FBH1: variants seen among roughly 807,000 people sequenced by gnomAD.
The protein encoded by FBH1 is F-box DNA helicase 1.
A neutral mutation model predicts 115.5 loss-of-function variants in FBH1; 43 were observed. The ratio of observed to expected loss-of-function variants is 0.37; its 90% CI spans 0.29 to 0.48. FBH1 has a LOEUF of 0.48. Ranked by LOEUF, FBH1 falls within the 20% of genes least tolerant of loss-of-function variation. The pLI, the probability that FBH1 is intolerant of heterozygous loss-of-function variation, is 0.99. For missense variants in FBH1, 1,001 were observed against 1,337.3 expected (o/e 0.75, Z 3.92); for synonymous variants, 524 against 507.8 (o/e 1.03, Z -0.43).
rs1564449674 is a variant in FBH1, at chr10:5,915,623, T to A, written c.1565+52T>A. On this transcript the variant is annotated intron_variant, in intron 9 of 20. Coordinates refer to ENST00000362091, the MANE Select transcript of FBH1 (RefSeq NM_178150.3). This position sits in a 1 kb window ranked among gnomAD's most constrained non-coding sequence, Gnocchi z 5.2. ...TGTTGCTGCTGGCACGGTCGCGTCT[T>A]ACTGTTTTCCCGTGACGATCACATG... The A allele has an allele frequency of 3.2e-6, 5 of 1,565,122 alleles. No individual in the cohort carries two copies. Among genetic ancestry groups the A allele is most frequent in the Admixed American group, 1.7e-5 (1 of 58,936 alleles).
At chr10:5,905,989 A>G (rs753109417) in intron 2 of FBH1, 48 bp from the exon 3 acceptor site, 1 of 1,371,976 alleles carries the variant, frequency 7.3e-7, no homozygotes, top group South Asian at 1.2e-5. Context: ...CAGCAGGTCA[A>G]CAGTCATCGT....
rs144472860 is a variant in FBH1, at chr10:5,921,501, G to A, written c.2254G>A (p.Ala752Thr). The A allele has an allele frequency of 5.0e-6, 8 of 1,600,950 alleles. No individual in the cohort carries two copies. The highest frequency in any genetic ancestry group is 5.9e-6 in the Non-Finnish European group (7 of 1,176,836). Residue 752 changes from alanine (A) to threonine (T), a missense_variant, in exon 15 of 21, where the codon GCC (alanine) becomes ACC (threonine). Ala to Thr is a moderately conservative substitution (Grantham distance 58). This residue lies in a region of FBH1 where 521 missense variants were observed against 811.0 expected (regional missense o/e 0.64). Coordinates refer to ENST00000362091, the MANE Select transcript of FBH1 (RefSeq NM_178150.3). This position sits in a 1 kb window ranked among gnomAD's most constrained non-coding sequence, Gnocchi z 6.4. ...AGTGGCCTTGTTGTCCCGGACCAAC[G>A]CCAACGTGTTTGATGAGGCCGTACG... ...GQVALLSRTN[A>T]NVFDEAVRVT... is the part of the protein sequence containing the mutation.
chr10:5,913,960 A>G lies in FBH1; in HGVS notation c.1304+121A>G. The G allele has an allele frequency of 5.8e-6, 5 of 864,516 alleles. No homozygotes were observed. Among genetic ancestry groups the G allele is most frequent in the Non-Finnish European group, 9.2e-6 (5 of 543,880 alleles). The allele number at this position is 864,516 out of a possible 1,614,324, so 53.6% of individuals were successfully genotyped here. ...TTGAGGTTAATAATGTAAATTGTGTAAAACTCACCCATCCTAAGAGTGTGA... is the reference window on the plus strand; with the variant it reads ...TTGAGGTTAATAATGTAAATTGTGTGAAACTCACCCATCCTAAGAGTGTGA... On this transcript the variant is annotated intron_variant, in intron 7 of 20. Transcript: ENST00000362091. The surrounding 1 kb of genome is among the most constrained non-coding windows in gnomAD (Gnocchi z 4.4).
rs180985260 is a variant in FBH1, at chr10:5,932,524, G to T, written c.2830-3932G>T. Among the ~76,000 whole-genome samples, 1 of 152,296 alleles carries T rather than the reference G, an allele frequency of 6.6e-6. No individual in the cohort carries two copies. Among genetic ancestry groups the T allele is most frequent in the East Asian group, 1.9e-4 (1 of 5,182 alleles). On this transcript the variant is annotated intron_variant, in intron 19 of 20. Transcript: ENST00000362091. The surrounding 1 kb of genome is among the most constrained non-coding windows in gnomAD (Gnocchi z 5.9). ...CTTGGTCAGCTGCATAGTGTTCTGT[G>T]TTGACGCACTGTGATTTATGCCGTT... is the stretch of plus-strand genomic sequence containing the variant.
chr10:5,906,300 G>A lies in FBH1; in HGVS notation c.421G>A (p.Asp141Asn), dbSNP rs545497071. 14 of 1,614,196 alleles carry A rather than the reference G, an allele frequency of 8.7e-6. No individual in the cohort carries two copies. In the Admixed American group the frequency reaches 1.7e-4, roughly 19 times the overall value. Residue 141 changes from aspartate (D) to asparagine (N), a missense_variant, in exon 3 of 21, where the codon GAT becomes AAT. Asp to Asn is a conservative substitution (Grantham distance 23). This residue lies in a region of FBH1 where 420 missense variants were observed against 430.4 expected (regional missense o/e 0.98). Transcript: ENST00000362091. The surrounding 1 kb of genome is among the most constrained non-coding windows in gnomAD (Gnocchi z 7.3). ...CCAGGCTACCGGGACCAGCCGGTGG[G>A]ATGGAGTTTCTAAGAAAGCTCCACG... ...SNQATGTSRW[D>N]GVSKKAPRHH...
Position 5,915,611 on chromosome 10 carries a change from A to G in FBH1, c.1565+40A>G, listed in dbSNP as rs1350969625. On this transcript the variant is annotated intron_variant, in intron 9 of 20. Transcript: ENST00000362091. The surrounding 1 kb of genome is among the most constrained non-coding windows in gnomAD (Gnocchi z 5.2). ...CACTAGTGGCACTGTTGCTGCTGGC[A>G]CGGTCGCGTCTTACTGTTTTCCCGT... 6.3e-7 allele frequency: 1 copy of G among 1,594,504 alleles called. No individual in the cohort carries two copies. The highest frequency in any genetic ancestry group is 8.6e-7 in the Non-Finnish European group (1 of 1,165,496).
At chr10:5,890,017 C>G (rs1223341954), upstream of FBH1, 2 of 262,928 alleles carry the variant, frequency 7.6e-6, no homozygotes, top group Non-Finnish European at 1.4e-5. Context: ...CGCTCCGCCC[C>G]GGCCCGAGCG....
Position 5,925,516 on chromosome 10 carries a change from A to G in FBH1, c.2722+24A>G. 1.2e-6 allele frequency: 2 copies of G among 1,612,576 alleles called. No homozygotes were observed. Among genetic ancestry groups the G allele is most frequent in the African/African-American group, 1.3e-5 (1 of 74,998 alleles). On this transcript the variant is annotated intron_variant, in intron 18 of 20. Transcript: ENST00000362091. This position sits in a 1 kb window ranked among gnomAD's most constrained non-coding sequence, Gnocchi z 4.6. ...TGGTAAGAGGCCGCCGGGTAGTGTC[A>G]GGTGCTGCTGTATGTAGTGAGTGGT... is the stretch of plus-strand genomic sequence containing the variant.
chr10:5,934,364 G>GTTTTT (rs60109796), intron 19 of FBH1: 4 of 141,098 alleles, frequency 2.8e-5, no homozygotes, highest in African/African-American at 1.1e-4. Context: ...TCAAAGACAG[G>GTTTTT]TTTTTTTTTT....
chr10:5,890,548 G>C (rs1021217251), intron 1 of FBH1, among the ~76,000 whole-genome samples: 1 of 149,604 alleles, frequency 6.7e-6, no homozygotes, highest in Non-Finnish European at 1.5e-5. Flanking sequence ...CGGCGGGGGT[G>C]CGCGGGGGAG....
At chr10:5,928,715 C>T (rs1398515088) in intron 19 of FBH1, 2 of 152,204 alleles carry the variant, frequency 1.3e-5, no homozygotes, top group East Asian at 3.8e-4. Context: ...TCTGCCTAAA[C>T]AGCTGGAGTA....
At chr10:5,916,192 C>T (rs769752047) in intron 9 of FBH1, 42 bp from the exon 10 acceptor site, 4 of 1,570,952 alleles carry the variant, frequency 2.5e-6, no homozygotes, top group Non-Finnish European at 2.6e-6. Context: ...TAGCACCAAG[C>T]CAGGAGAGCC....
At position 5,916,554 on chromosome 10, in the gene FBH1, G is replaced by GATCT. The variant is rs1831954478; in HGVS notation, c.1788+98_1788+99insATCT. 70 of 1,161,736 alleles carry GATCT rather than the reference G, an allele frequency of 6.0e-5. 5 individuals carry two copies. The African/African-American group carries it at 6.2e-4, about 10-fold the overall frequency. The allele number at this position is 1,161,736 out of a possible 1,614,324, so 72.0% of individuals were successfully genotyped here. On this transcript the variant is annotated intron_variant, in intron 10 of 20. Coordinates refer to ENST00000362091, the MANE Select transcript of FBH1 (RefSeq NM_178150.3). ...ATGGGGAAACAGGGGAAGTGTTAGG[G>GATCT]GTCTGAGGATGGGGAAACAGGGGAA... is the stretch of plus-strand genomic sequence containing the variant.
At chr10:5,898,169 C>A (rs1159982808) in intron 1 of FBH1, among the ~76,000 whole-genome samples, 2 of 152,206 alleles carry the variant, frequency 1.3e-5, no homozygotes, top group East Asian at 3.9e-4. Flanking sequence ...AATACCATAA[C>A]TGGGCCGCTT....
chr10:5,914,635 A>AT lies in FBH1; in HGVS notation c.1396+367dup, dbSNP rs1238925647. Among the ~76,000 whole-genome samples, 1 of 152,144 alleles carries AT rather than the reference A, an allele frequency of 6.6e-6. No homozygotes were observed. Among genetic ancestry groups the AT allele is most frequent in the Non-Finnish European group, 1.5e-5 (1 of 68,030 alleles). On this transcript the variant is annotated intron_variant, in intron 8 of 20. Coordinates refer to ENST00000362091, the MANE Select transcript of FBH1 (RefSeq NM_178150.3). The surrounding 1 kb of genome is among the most constrained non-coding windows in gnomAD (Gnocchi z 5.2). Reference sequence around the variant, plus strand: ...AGGAGCTCCCCAGTTTTATAGGGTGATGTCTAGAGGGCCTGCCTTAGATTG... The same window carrying AT: ...AGGAGCTCCCCAGTTTTATAGGGTGATTGTCTAGAGGGCCTGCCTTAGATTG...
intron 3 of FBH1, among the ~76,000 whole-genome samples, chr10:5,907,710 G>A (rs1270027335): frequency 2.0e-5 from 3 of 152,144 alleles, no homozygotes; most frequent in Non-Finnish European, 4.4e-5. Context: ...CTGGCCTTAA[G>A]TGATCCGCCT....
In FBH1 at chr10:5,917,913, A is replaced by G. The variant is rs1371022310; in HGVS notation, c.1963+237A>G. On this transcript the variant is annotated intron_variant, in intron 12 of 20. Transcript: ENST00000362091. The surrounding 1 kb of genome is among the most constrained non-coding windows in gnomAD (Gnocchi z 5.6). ...TGTTGACCAAGTTGTAGACCAGCAG[A>G]CGACAGGGACCTAGACTCATGCTCT... Among the ~76,000 whole-genome samples, 1 of 152,226 alleles carries G rather than the reference A, an allele frequency of 6.6e-6. No individual in the cohort carries two copies. The highest frequency in any genetic ancestry group is 1.5e-5 in the Non-Finnish European group (1 of 68,038).
At position 5,936,684 on chromosome 10, in the gene FBH1, G is replaced by A; in HGVS notation, c.2961+97G>A. On this transcript the variant is annotated intron_variant, in intron 20 of 20. Coordinates refer to ENST00000362091, the MANE Select transcript of FBH1 (RefSeq NM_178150.3). This position sits in a 1 kb window ranked among gnomAD's most constrained non-coding sequence, Gnocchi z 5.6. ...GTTGTAGGTGAGGAGATAAGAGAGA[G>A]CTGTGTGATCCTTTATTAGGGGCTT... 2.0e-6 allele frequency: 3 copies of A among 1,484,244 alleles called. No homozygotes were observed. The highest frequency in any genetic ancestry group is 2.4e-5 in the South Asian group (2 of 84,872). 91.9% of individuals were successfully genotyped at this position (1,484,244 alleles called of 1,614,324 possible).
In FBH1 at chr10:5,924,184, C is replaced by A; in HGVS notation, c.2399-127C>A. 1.2e-6 allele frequency: 1 copy of A among 839,266 alleles called. No individual in the cohort carries two copies. Among genetic ancestry groups the A allele is most frequent in the Non-Finnish European group, 1.9e-6 (1 of 529,362 alleles). The allele number at this position is 839,266 out of a possible 1,614,324, so 52.0% of individuals were successfully genotyped here. A position where few individuals can be genotyped will look rare whatever the true frequency, so the allele number is the denominator to read the frequency against. On this transcript the variant is annotated intron_variant, in intron 16 of 20. Transcript: ENST00000362091. This position sits in a 1 kb window ranked among gnomAD's most constrained non-coding sequence, Gnocchi z 6.2. ...ACAGCGAGTTAGTGATGCAGTCAGG[C>A]CTGGAACCCGGGTCTCCCCACTTTA...
Sources: allele counts gnomAD v4.1 joint callset (sites outside exome capture counted in the v4.1 genomes callset), GRCh38; gene constraint gnomAD v4.1.1; regional missense constraint gnomAD v4.1.1; non-coding constraint Gnocchi (gnomAD v3.1); transcripts MANE v1.5; gene names NCBI Gene and HGNC (gene_info 2026-07-23, HGNC 2026-07-21).